The following SPIDR variants were observed in gnomAD, a reference collection of about 807,000 sequenced individuals.
SPIDR encodes DNA repair-scaffolding protein.
In SPIDR, 93 loss-of-function variants were observed where a neutral mutation model predicts 104.6. That is an observed-to-expected ratio of 0.89 (90% CI 0.75 to 1.06). The LOEUF (loss-of-function observed/expected upper bound fraction) is 1.06. Among genes scored for constraint, SPIDR ranks in the 50% least tolerant of loss-of-function variants. The probability of loss-of-function intolerance (pLI) is 0.00; values close to 1 mark genes in which losing one functional copy is unlikely to be tolerated. For synonymous variants in SPIDR, 431 were observed against 416.9 expected (o/e 1.03, Z -0.41); for missense variants, 1,154 against 1,111.2 (o/e 1.04, Z -0.55).
chr8:47,565,474 A>G (rs1233455734), intron 8 of SPIDR, among the ~76,000 whole-genome samples: 1 of 152,182 alleles, frequency 6.6e-6, no homozygotes, highest in Non-Finnish European at 1.5e-5. Context: ...AACATTTTAA[A>G]TAAGTTTAAA....
chr8:47,521,651 T>C (rs1343005847), intron 8 of SPIDR, among the ~76,000 whole-genome samples: 1 of 151,248 alleles, frequency 6.6e-6, no homozygotes, highest in Non-Finnish European at 1.5e-5. Flanking sequence ...CTTGAACTCC[T>C]GACCTCGTGA....
At chr8:47,458,323 G>GTATTT (rs71225684) in intron 8 of SPIDR, among the ~76,000 whole-genome samples, 18,542 of 112,124 alleles carry the variant, frequency 0.17, 2,595 homozygotes, top group Non-Finnish European at 0.19. Flanking sequence ...ATATTCCTAA[G>GTATTT]TATTTTATTT....
Position 47,320,798 on chromosome 8 carries a change from C to CAG in SPIDR, c.525+26769_525+26770insGA, listed in dbSNP as rs1554594542. Among the ~76,000 whole-genome samples, 20 of 152,180 alleles carry CAG rather than the reference C, an allele frequency of 1.3e-4. No homozygotes were observed. In the South Asian group the frequency reaches 3.9e-3, roughly 30 times the overall value. ...GGATGCAAGGCAGGTTCAACATATG[C>CAG]AAATCAATAAACATAATCCATCATA... On this transcript the variant is annotated intron_variant, in intron 5 of 19. Coordinates refer to ENST00000297423, the MANE Select transcript of SPIDR (RefSeq NM_001080394.4).
At chr8:47,298,630 A>G (rs1422717397) in intron 5 of SPIDR, among the ~76,000 whole-genome samples, 1 of 152,192 alleles carries the variant, frequency 6.6e-6, no homozygotes. Context: ...TAATTTTTGT[A>G]TAAGGTGTAA....
chr8:47,522,172 CAAAAA>C (rs781613495), intron 8 of SPIDR, among the ~76,000 whole-genome samples: 3 of 65,626 alleles, frequency 4.6e-5, no homozygotes. Flanking sequence ...GAGTCTGTCT[CAAAAA>C]AAAAAAAAAA....
At chr8:47,406,544 A>G (rs1351005639) in intron 6 of SPIDR, among the ~76,000 whole-genome samples, 2 of 152,346 alleles carry the variant, frequency 1.3e-5, no homozygotes, top group South Asian at 2.1e-4. Context: ...TTTCTGTTAC[A>G]TGTACTACAC....
chr8:47,707,252 CAAAA>C (rs34372972), intron 14 of SPIDR, among the ~76,000 whole-genome samples: 3 of 95,430 alleles, frequency 3.1e-5, no homozygotes, highest in Admixed American at 1.1e-4. Context: ...GACTCTTTCT[CAAAA>C]AAAAAAAAAA....
chr8:47,614,597 G>A (rs184380098), intron 10 of SPIDR, among the ~76,000 whole-genome samples: 258 of 152,280 alleles, frequency 1.7e-3, no homozygotes, highest in Admixed American at 3.9e-3. Context: ...GTCTATCATT[G>A]GTGGGCATTT....
At chr8:47,586,418 G>A (rs1217634638) in intron 8 of SPIDR, among the ~76,000 whole-genome samples, 1 of 152,078 alleles carries the variant, frequency 6.6e-6, no homozygotes, top group African/African-American at 2.4e-5. Flanking sequence ...ATTCAATGTT[G>A]ATATTATGTT....
At chr8:47,268,965 G>C (rs1420502043) in intron 1 of SPIDR, among the ~76,000 whole-genome samples, 1 of 151,934 alleles carries the variant, frequency 6.6e-6, no homozygotes, top group Non-Finnish European at 1.5e-5. Flanking sequence ...CTAGGAGTTC[G>C]AGACCAGCCT....
At chr8:47,473,819 G>A (rs1039396459) in intron 8 of SPIDR, among the ~76,000 whole-genome samples, 4 of 152,190 alleles carry the variant, frequency 2.6e-5, no homozygotes, top group Non-Finnish European at 5.9e-5. Flanking sequence ...GAACCAGGAG[G>A]AGGATGGGAA....
Position 47,629,016 on chromosome 8 carries a change from A to G in SPIDR, c.1544+29820A>G, listed in dbSNP as rs62539141. On this transcript the variant is annotated intron_variant, in intron 10 of 19. Transcript: ENST00000297423. Reference sequence around the variant, plus strand: ...AAAGTGCTAAATGATTAAGTTGTAAAAATATAAGGACTGAGATTCTCCCTT... The same window carrying G: ...AAAGTGCTAAATGATTAAGTTGTAAGAATATAAGGACTGAGATTCTCCCTT... 9.3e-3 allele frequency among the ~76,000 whole-genome samples: 1,419 copies of G among 152,298 alleles called. 10 individuals are homozygous for G. The highest frequency in any genetic ancestry group is 0.016 in the Non-Finnish European group (1,068 of 68,022).
At chr8:47,582,860 AC>A (rs1564394066) in intron 8 of SPIDR, among the ~76,000 whole-genome samples, 25 of 144,180 alleles carry the variant, frequency 1.7e-4, no homozygotes, top group Non-Finnish European at 1.2e-4. Context: ...ACACACACAC[AC>A]ACACACACAT....
At chr8:47,539,646 T>C (rs1383006223) in intron 8 of SPIDR, among the ~76,000 whole-genome samples, 2 of 152,146 alleles carry the variant, frequency 1.3e-5, no homozygotes, top group African/African-American at 4.8e-5. Context: ...ATGTAAATGC[T>C]TTATAAATCA....
intron 5 of SPIDR, among the ~76,000 whole-genome samples, chr8:47,298,398 T>A (rs1371071797): frequency 6.6e-6 from 1 of 152,160 alleles, no homozygotes; most frequent in African/African-American, 2.4e-5. Context: ...CTCCCATTCT[T>A]TAGGTTGCTG....
intron 8 of SPIDR, among the ~76,000 whole-genome samples, chr8:47,522,924 G>C (rs1317716039): frequency 6.6e-6 from 1 of 151,970 alleles, no homozygotes; most frequent in Non-Finnish European, 1.5e-5. Flanking sequence ...ATAGTTTAAA[G>C]ATTTAAAGTG....
chr8:47,381,351 A>G lies in SPIDR; in HGVS notation c.526-15025A>G, dbSNP rs548951587. On this transcript the variant is annotated intron_variant, in intron 5 of 19. Coordinates refer to ENST00000297423, the MANE Select transcript of SPIDR (RefSeq NM_001080394.4). The stretch of plus-strand genomic sequence containing the variant: ...TTTCATTCCCCTCAGTGTGAAGAGC[A>G]GTCTTGGTTTTGATTATTTTACTTG... Among the ~76,000 whole-genome samples the G allele has an allele frequency of 4.2e-3, 633 of 152,310 alleles. 1 individual carries two copies. Among genetic ancestry groups the G allele is most frequent in the Non-Finnish European group, 6.5e-3 (445 of 68,030 alleles).
At position 47,601,967 on chromosome 8, in the gene SPIDR, A is replaced by G. The variant is rs962542663; in HGVS notation, c.1544+2771A>G. 3.3e-5 allele frequency among the ~76,000 whole-genome samples: 5 copies of G among 150,768 alleles called. No homozygotes were observed. In the Admixed American group the frequency reaches 3.3e-4, roughly 10 times the overall value. On this transcript the variant is annotated intron_variant, in intron 10 of 19. Transcript: ENST00000297423. ...ATAATGATCAGGCTCTCTAGTTTAC[A>G]TATCAAATTAATATAGAAGTAAAAC...
At chr8:47,646,269 G>A (rs1039535614) in intron 10 of SPIDR, among the ~76,000 whole-genome samples, 1 of 152,134 alleles carries the variant, frequency 6.6e-6, no homozygotes, top group Non-Finnish European at 1.5e-5. Flanking sequence ...ACTTTTGTTT[G>A]GTGAGGCTGA....
Sources: gnomAD v4.1 joint callset for allele counts (sites outside exome capture counted in the v4.1 genomes callset) on GRCh38, gnomAD v4.1.1 for gene constraint, MANE v1.5 for transcripts, NCBI Gene and HGNC (gene_info 2026-07-23, HGNC 2026-07-21) for gene names.